The following ZSWIM6 variants were observed in gnomAD, a reference collection of about 807,000 sequenced individuals.
ZSWIM6 encodes the protein zinc finger SWIM-type containing 6.
In ZSWIM6, 9 loss-of-function variants were observed where a neutral mutation model predicts 113.2. That is an observed-to-expected ratio of 0.08 (90% CI 0.05 to 0.14). The LOEUF (loss-of-function observed/expected upper bound fraction) is 0.14. Ranked by LOEUF, ZSWIM6 falls within the 10% of genes least tolerant of loss-of-function variation. ZSWIM6 has a pLI of 1.00. For missense variants in ZSWIM6, 1,162 were observed against 1,552.2 expected (o/e 0.75, Z 4.22); for synonymous variants, 611 against 606.5 (o/e 1.01, Z -0.11).
In ZSWIM6 at chr5:61,333,060, C is replaced by T. The variant is rs531544650; in HGVS notation, c.676+112C>T. 4.5e-4 allele frequency: 454 copies of T among 1,017,360 alleles called. 8 individuals are homozygous for T. The East Asian group carries it at 0.019, about 43-fold the overall frequency. 63.0% of individuals were successfully genotyped at this position (1,017,360 alleles called of 1,614,324 possible). On this transcript the variant is annotated intron_variant, in intron 1 of 13. Transcript: ENST00000252744. ...CCCTAGTTCCGCGCGCGCCCGCACC[C>T]CTGCGGGTGTCCTCACTGGCCCGGA...
intron 12 of ZSWIM6, among the ~76,000 whole-genome samples, chr5:61,540,652 T>C (rs1266055146): frequency 6.6e-6 from 1 of 152,156 alleles, no homozygotes. Flanking sequence ...AGAAGTTTTT[T>C]GTTTTTTTTT....
chr5:61,527,467 A>G (rs1749318840), intron 7 of ZSWIM6, among the ~76,000 whole-genome samples: 3 of 152,190 alleles, frequency 2.0e-5, no homozygotes, highest in Admixed American at 2.0e-4. Flanking sequence ...TTTAACAGTG[A>G]AAAAAAGTCA....
intron 1 of ZSWIM6, among the ~76,000 whole-genome samples, chr5:61,412,693 A>T (rs2112115179): frequency 6.6e-6 from 1 of 152,350 alleles, no homozygotes; most frequent in East Asian, 1.9e-4. Context: ...TTGGTTCCTA[A>T]GAACCCTGCT....
At chr5:61,476,898 C>T (rs187525564) in intron 2 of ZSWIM6, among the ~76,000 whole-genome samples, 1 of 152,220 alleles carries the variant, frequency 6.6e-6, no homozygotes, top group East Asian at 1.9e-4. Flanking sequence ...GAATGGGACC[C>T]ATTTTTTCTC....
Position 61,332,622 on chromosome 5 carries a change from G to A in ZSWIM6, c.350G>A (p.Ser117Asn). The A allele has an allele frequency of 2.4e-6, 3 of 1,256,880 alleles. No individual in the cohort carries two copies. Among genetic ancestry groups the A allele is most frequent in the Non-Finnish European group, 3.1e-6 (3 of 966,746 alleles). The allele number at this position is 1,256,880 out of a possible 1,614,324, so 77.9% of individuals were successfully genotyped here. ...ATAGTCTATTGGTCCTTCCCCCGCA[G>A]CGAGCGGGAGATCTGCATGTACTCG... ...RRIVYWSFPR[S>N]EREICMYSSF... The change falls in exon 1 of 14, where the codon AGC becomes AAC. Residue 117 changes from serine (S) to asparagine (N), a missense_variant. By Grantham distance (46) the Ser-to-Asn change is conservative. Around this residue, in one of 4 missense-constraint regions of ZSWIM6, gnomAD observed 333 missense variants for 293.4 expected, o/e 1.13. Transcript: ENST00000252744.
rs116176427 is a variant in ZSWIM6 at position 61,492,972 on chromosome 5, G to T, written c.1183-1288G>T. On this transcript the variant is annotated intron_variant, in intron 3 of 13. Coordinates refer to ENST00000252744, the MANE Select transcript of ZSWIM6 (RefSeq NM_020928.2). ...AGTAATTTCTTACGGGGAAATTACA[G>T]CTGAGATTCTTACTTATTGAATACA... Among the ~76,000 whole-genome samples, 1,173 of 152,166 alleles carry T rather than the reference G, an allele frequency of 7.7e-3. 9 individuals carry two copies. Among genetic ancestry groups the T allele is most frequent in the African/African-American group, 0.027 (1,123 of 41,530 alleles).
intron 1 of ZSWIM6, among the ~76,000 whole-genome samples, chr5:61,376,648 A>G (rs1284959478): frequency 7.3e-6 from 1 of 136,552 alleles, no homozygotes; most frequent in Non-Finnish European, 1.6e-5. Context: ...AATTTTGACT[A>G]CACTTTGGCT....
rs1579961271 is a variant in ZSWIM6 at position 61,375,626 on chromosome 5, A to G, written c.676+42678A>G. The G allele has an allele frequency of 9.1e-6, 14 of 1,537,428 alleles. No individual in the cohort carries two copies. The East Asian group carries it at 1.5e-4, about 16-fold the overall frequency. The stretch of plus-strand genomic sequence containing the variant: ...TCAAAAGATGGAACTGAGAAAGAAA[A>G]GGATATTAAAGGACTCAGCAAAAAG... On this transcript the variant is annotated intron_variant, in intron 1 of 13. Coordinates refer to ENST00000252744, the MANE Select transcript of ZSWIM6 (RefSeq NM_020928.2).
chr5:61,465,419 CTT>C (rs35241021), intron 1 of ZSWIM6, among the ~76,000 whole-genome samples: 5 of 137,066 alleles, frequency 3.6e-5, no homozygotes, highest in Admixed American at 7.3e-5. Context: ...AGTGATATGA[CTT>C]TTTTTTTTTT....
Position 61,364,837 on chromosome 5 carries a change from T to C in ZSWIM6, c.676+31889T>C, listed in dbSNP as rs74682237. Among the ~76,000 whole-genome samples the C allele has an allele frequency of 7.2e-3, 1,092 of 152,304 alleles. 10 individuals carry two copies. Among genetic ancestry groups the C allele is most frequent in the African/African-American group, 0.022 (916 of 41,574 alleles). On this transcript the variant is annotated intron_variant, in intron 1 of 13. Coordinates refer to ENST00000252744, the MANE Select transcript of ZSWIM6 (RefSeq NM_020928.2). ...TGACCTAATCGTCCCTCAGAGGTTCTACCACCTAACACCATCACATTGGTA... is the reference window on the plus strand; with the variant it reads ...TGACCTAATCGTCCCTCAGAGGTTCCACCACCTAACACCATCACATTGGTA...
intron 1 of ZSWIM6, among the ~76,000 whole-genome samples, chr5:61,395,065 T>C (rs1745810652): frequency 6.6e-6 from 1 of 152,180 alleles, no homozygotes; most frequent in Non-Finnish European, 1.5e-5. Context: ...TGGGGAGTTA[T>C]AAAATCACTT....
intron 1 of ZSWIM6, among the ~76,000 whole-genome samples, chr5:61,352,866 T>TC (rs1744821336): frequency 6.6e-6 from 1 of 152,210 alleles, no homozygotes; most frequent in African/African-American, 2.4e-5. Context: ...CACGAGACTT[T>TC]CTTTTGCTCA....
intron 1 of ZSWIM6, among the ~76,000 whole-genome samples, chr5:61,453,419 A>G (rs1747128084): frequency 7.2e-6 from 1 of 138,496 alleles, no homozygotes; most frequent in South Asian, 2.2e-4. Context: ...TCTGTCACCT[A>G]GTTTGGGTTA....
intron 4 of ZSWIM6, among the ~76,000 whole-genome samples, chr5:61,501,555 A>G (rs1241391819): frequency 6.6e-6 from 1 of 152,250 alleles, no homozygotes; most frequent in Non-Finnish European, 1.5e-5. Flanking sequence ...AGTAGTATCC[A>G]TTGTCTAAAC....
chr5:61,498,313 C>T (rs1273283002), intron 4 of ZSWIM6, among the ~76,000 whole-genome samples: 1 of 152,112 alleles, frequency 6.6e-6, no homozygotes, highest in Non-Finnish European at 1.5e-5. Flanking sequence ...CATATAAATC[C>T]TGTTTCTTAG....
chr5:61,350,544 C>T (rs1744761082), intron 1 of ZSWIM6, among the ~76,000 whole-genome samples: 1 of 152,080 alleles, frequency 6.6e-6, no homozygotes, highest in South Asian at 2.1e-4. Flanking sequence ...TTTGATGTCA[C>T]CACCCCTGAT....
intron 1 of ZSWIM6, among the ~76,000 whole-genome samples, chr5:61,364,595 G>T (rs1745113047): frequency 6.6e-6 from 1 of 152,150 alleles, no homozygotes; most frequent in Admixed American, 6.5e-5. Flanking sequence ...CCATAAACTG[G>T]ATGGCTTATA....
At chr5:61,535,658 A>G (rs1561283294) in intron 10 of ZSWIM6, 39 bp downstream of exon 10, 1 of 1,548,272 alleles carries the variant, frequency 6.5e-7, no homozygotes, top group Non-Finnish European at 8.7e-7. Context: ...GGCAGGCCAC[A>G]TTCCCACTGG....
rs1377907738 is a variant in ZSWIM6, at chr5:61,332,835, C to G, written c.563C>G (p.Ala188Gly). Residue 188 changes from alanine to glycine, a missense_variant, in exon 1 of 14, where the codon GCC becomes GGC. Around this residue, in one of 4 missense-constraint regions of ZSWIM6, gnomAD observed 333 missense variants for 293.4 expected, o/e 1.13. Coordinates refer to ENST00000252744, the MANE Select transcript of ZSWIM6 (RefSeq NM_020928.2). The stretch of plus-strand genomic sequence containing the variant: ...GCCGCCGCCGCCGCGGGGGCCGGGG[C>G]CCCGTCGGTGGGGGCTGCCGGGGCG... ...AAAAAAAGAG[A>G]PSVGAAGAAD... 2 of 1,015,758 alleles carry G rather than the reference C, an allele frequency of 2.0e-6. No homozygotes were observed. Among genetic ancestry groups the G allele is most frequent in the Non-Finnish European group, 2.4e-6 (2 of 848,366 alleles). The allele number at this position is 1,015,758 out of a possible 1,614,324, so 62.9% of individuals were successfully genotyped here.
Sources: allele counts gnomAD v4.1 joint callset (sites outside exome capture counted in the v4.1 genomes callset), GRCh38; gene constraint gnomAD v4.1.1; regional missense constraint gnomAD v4.1.1; transcripts MANE v1.5; gene names NCBI Gene and HGNC (gene_info 2026-07-23, HGNC 2026-07-21).